SOX17: variants seen among roughly 807,000 people sequenced by gnomAD.
SOX17 encodes SRY-box transcription factor 17, also known as transcription factor SOX-17.
Under a neutral mutation model 16.0 loss-of-function variants are expected in SOX17, and 4 were observed. That is an observed-to-expected ratio of 0.25 (90% confidence interval 0.12 to 0.57). The LOEUF (loss-of-function observed/expected upper bound fraction) is 0.57. SOX17 is among the 20% of genes least tolerant of loss of function. The pLI, the probability that SOX17 is intolerant of heterozygous loss-of-function variation, is 0.92. For synonymous variants in SOX17, 357 were observed against 284.6 expected, an observed-to-expected ratio of 1.25 and a Z score of -2.56; for missense variants, 633 against 609.7, an observed-to-expected ratio of 1.04 and a Z score of -0.40.
chr8:54,460,311 A>G lies in SOX17; in HGVS notation c.*316A>G. On this transcript the variant is annotated 3_prime_UTR_variant, in exon 2 of 2. Transcript: ENST00000297316. ...TCCATTTCCTGAAAGTTTATTGATC[A>G]AAGAAATGTTGTCCTGGGTGTGTTT... is the stretch of plus-strand genomic sequence containing the variant. The G allele has an allele frequency of 2.2e-6, 1 of 461,170 alleles. No individual in the cohort carries two copies. Among genetic ancestry groups the G allele is most frequent in the East Asian group, 3.8e-5 (1 of 26,392 alleles). 28.6% of individuals were successfully genotyped at this position (461,170 alleles called of 1,614,324 possible).
chr8:54,459,360 C>G lies in SOX17; in HGVS notation c.610C>G (p.Arg204Gly), dbSNP rs551544680. 6.4e-7 allele frequency: 1 copy of G among 1,558,192 alleles called. No individual in the cohort carries two copies. The highest frequency in any genetic ancestry group is 1.2e-5 in the South Asian group (1 of 85,686). The change falls in exon 2 of 2, where the codon CGC (arginine) becomes GGC (glycine). Residue 204 changes from arginine to glycine, a missense_variant. By Grantham distance (125) the Arg-to-Gly change is moderately radical (BLOSUM62 -2). Coordinates refer to ENST00000297316, the MANE Select transcript of SOX17 (RefSeq NM_022454.4). Reference protein sequence around the residue: ...LLPPHMGGHYRDCQSLGAPPL... With the variant: ...LLPPHMGGHYGDCQSLGAPPL... ...GCCTCCGCACATGGGCGGCCACTACCGCGACTGCCAGAGTCTGGGCGCGCC... is the reference window on the plus strand; with the variant it reads ...GCCTCCGCACATGGGCGGCCACTACGGCGACTGCCAGAGTCTGGGCGCGCC...
Position 54,459,662 on chromosome 8 carries a change from G to C in SOX17, c.912G>C (p.Gly304=). 6.5e-7 allele frequency: 1 copy of C among 1,535,718 alleles called. No individual in the cohort carries two copies. Among genetic ancestry groups the C allele is most frequent in the Non-Finnish European group, 8.7e-7 (1 of 1,145,568 alleles). Residue 304 remains glycine, a synonymous_variant, in exon 2 of 2, where the codon GGG becomes GGC. Coordinates refer to ENST00000297316, the MANE Select transcript of SOX17 (RefSeq NM_022454.4). ...HVYYGAMGSP[G]AGGGRGFQMQ... ...ACTACGGCGCGATGGGCTCGCCCGG[G>C]GCGGGCGGCGGGCGCGGCTTCCAGA...
chr8:54,459,649 T>A lies in SOX17; in HGVS notation c.899T>A (p.Met300Lys). The change falls in exon 2 of 2, where the codon ATG becomes AAG. Residue 300 changes from methionine to lysine, a missense_variant. Met to Lys is a moderately conservative substitution (Grantham distance 95). This residue lies in a region of SOX17 where 479 missense variants were observed against 397.2 expected (regional missense o/e 1.21). Coordinates refer to ENST00000297316, the MANE Select transcript of SOX17 (RefSeq NM_022454.4). ...PSALHVYYGAMGSPGAGGGRG... is the reference protein window; with the variant it reads ...PSALHVYYGAKGSPGAGGGRG... ...GCCCTTCACGTGTACTACGGCGCGA[T>A]GGGCTCGCCCGGGGCGGGCGGCGGG... 1 of 1,537,214 alleles carries A rather than the reference T, an allele frequency of 6.5e-7. No homozygotes were observed. The highest frequency in any genetic ancestry group is 1.2e-5 in the South Asian group (1 of 83,994).
At chr8:54,458,863 G>A (rs1258252046) in intron 1 of SOX17, among the ~76,000 whole-genome samples, 195 bp from the exon 2 acceptor site, 2 of 152,214 alleles carry the variant, frequency 1.3e-5, no homozygotes, top group South Asian at 4.1e-4. Context: ...CCAAAAGAAA[G>A]GGGTGCCTTT....
Position 54,459,940 on chromosome 8 carries a change from C to T in SOX17, c.1190C>T (p.Ser397Leu), listed in dbSNP as rs1473687136. 2 of 1,613,740 alleles carry T rather than the reference C, an allele frequency of 1.2e-6. No individual in the cohort carries two copies. The highest frequency in any genetic ancestry group is 1.1e-5 in the South Asian group (1 of 91,092). Residue 397 changes from serine to leucine, a missense_variant, in exon 2 of 2, where the codon TCG (serine) becomes TTG (leucine). Coordinates refer to ENST00000297316, the MANE Select transcript of SOX17 (RefSeq NM_022454.4). ...NLPDSHGAISSVVSDASSAVY... is the reference protein window; with the variant it reads ...NLPDSHGAISLVVSDASSAVY... ...CCCGACAGCCACGGGGCCATTTCCT[C>T]GGTGGTGTCCGACGCCAGCTCCGCG...
chr8:54,458,903 C>G (rs1243027028), intron 1 of SOX17, among the ~76,000 whole-genome samples, 155 bp from the exon 2 acceptor site: 1 of 152,238 alleles, frequency 6.6e-6, no homozygotes, highest in Non-Finnish European at 1.5e-5. Flanking sequence ...AGGGCTCGGA[C>G]TCAGGAGTCC....
In SOX17 at chr8:54,459,853, A is replaced by G. The variant is rs745888289; in HGVS notation, c.1103A>G (p.His368Arg). 6.2e-7 allele frequency: 1 copy of G among 1,613,740 alleles called. No individual in the cohort carries two copies. The highest frequency in any genetic ancestry group is 2.2e-5 in the East Asian group (1 of 44,878). The stretch of plus-strand genomic sequence containing the variant: ...CGCACGGAATTTGAACAGTATCTGC[A>G]CTTCGTGTGCAAGCCTGAGATGGGC... ...VDRTEFEQYL[H>R]FVCKPEMGLP... Residue 368 changes from histidine to arginine, a missense_variant, in exon 2 of 2, where the codon CAC becomes CGC. Physicochemically the swap from His to Arg is conservative, Grantham distance 29. Coordinates refer to ENST00000297316, the MANE Select transcript of SOX17 (RefSeq NM_022454.4).
At position 54,459,392 on chromosome 8, in the gene SOX17, C is replaced by A; in HGVS notation, c.642C>A (p.Leu214=). The A allele has an allele frequency of 6.4e-7, 1 of 1,556,118 alleles. No individual in the cohort carries two copies. The highest frequency in any genetic ancestry group is 8.6e-7 in the Non-Finnish European group (1 of 1,161,600). The change falls in exon 2 of 2, where the codon CTC becomes CTA. Residue 214 remains leucine, a synonymous_variant. Coordinates refer to ENST00000297316, the MANE Select transcript of SOX17 (RefSeq NM_022454.4). ...RDCQSLGAPP[L]DGYPLPTPDT... ...GCCAGAGTCTGGGCGCGCCTCCGCTCGACGGCTACCCGTTGCCCACGCCCG... is the reference window on the plus strand; with the variant it reads ...GCCAGAGTCTGGGCGCGCCTCCGCTAGACGGCTACCCGTTGCCCACGCCCG...
At chr8:54,459,023 C>T (rs1263877839) in intron 1 of SOX17, 35 bp from the exon 2 acceptor site, 2 of 1,544,802 alleles carry the variant, frequency 1.3e-6, no homozygotes, top group Admixed American at 1.9e-5. Flanking sequence ...GCCGATAAGC[C>T]CTGCGCCCCT....
In SOX17 at chr8:54,458,939, C is replaced by A; in HGVS notation, c.308-119C>A. ...CAGATCTCCCTCTTTAACTTCACCC[C>A]GGTTGCGCAATTCAAAGTCTGAGGG... On this transcript the variant is annotated intron_variant, in intron 1 of 1. Transcript: ENST00000297316. The A allele has an allele frequency of 3.4e-6, 3 of 882,426 alleles. No homozygotes were observed. The highest frequency in any genetic ancestry group is 3.8e-5 in the South Asian group (2 of 52,296). 54.7% of individuals were successfully genotyped at this position (882,426 alleles called of 1,614,324 possible). A position where few individuals can be genotyped will look rare whatever the true frequency, so the allele number is the denominator to read the frequency against.
rs1193005049 is a variant in SOX17 at position 54,459,804 on chromosome 8, G to A, written c.1054G>A (p.Ala352Thr). The A allele has an allele frequency of 2.5e-6, 4 of 1,610,866 alleles. No individual in the cohort carries two copies. Among genetic ancestry groups the A allele is most frequent in the East Asian group, 2.2e-5 (1 of 44,734 alleles). ...CRDGTDPSQP[A>T]ELLGEVDRTE... ...GGACGGCACGGACCCCAGTCAGCCC[G>A]CCGAGCTCCTCGGGGAGGTGGACCG... Residue 352 changes from alanine (A) to threonine (T), a missense_variant, in exon 2 of 2, where the codon GCC becomes ACC. Physicochemically the swap from Ala to Thr is moderately conservative, Grantham distance 58. Around this residue, in one of 5 missense-constraint regions of SOX17, gnomAD observed 479 missense variants for 397.2 expected, o/e 1.21. Coordinates refer to ENST00000297316, the MANE Select transcript of SOX17 (RefSeq NM_022454.4).
rs2129278379 is a variant in SOX17 at position 54,459,917 on chromosome 8, C to T, written c.1167C>T (p.Pro389=). Residue 389 remains proline, a synonymous_variant, in exon 2 of 2, where the codon CCC becomes CCT. Coordinates refer to ENST00000297316, the MANE Select transcript of SOX17 (RefSeq NM_022454.4). ...GGCATGACTCCGGTGTGAATCTCCC[C>T]GACAGCCACGGGGCCATTTCCTCGG... The part of the protein sequence containing the change: ...YQGHDSGVNL[P]DSHGAISSVV... 1.9e-6 allele frequency: 3 copies of T among 1,613,878 alleles called. No homozygotes were observed. The highest frequency in any genetic ancestry group is 2.2e-5 in the South Asian group (2 of 91,082).
rs1483783313 is a variant in SOX17, at chr8:54,459,734, G to C, written c.984G>C (p.Pro328=). ...AGCACCAGCACCAGCACCACCCCCC[G>C]GGCCCCGGACAGCCGTCGCCCCCTC... is the stretch of plus-strand genomic sequence containing the variant. The part of the protein sequence containing the change: ...QHQHQHQHHP[P]GPGQPSPPPE... Residue 328 remains proline (P), a synonymous_variant, in exon 2 of 2, where the codon CCG becomes CCC. Transcript: ENST00000297316. The C allele has an allele frequency of 6.4e-7, 1 of 1,561,076 alleles. No homozygotes were observed. Among genetic ancestry groups the C allele is most frequent in the South Asian group, 1.2e-5 (1 of 86,400 alleles).
chr8:54,460,284 C>A lies in SOX17; in HGVS notation c.*289C>A, dbSNP rs984536780. 12 of 489,320 alleles carry A rather than the reference C, an allele frequency of 2.5e-5. No individual in the cohort carries two copies. The highest frequency in any genetic ancestry group is 1.1e-3 in the Middle Eastern group (2 of 1,808). The allele number at this position is 489,320 out of a possible 1,614,324, so 30.3% of individuals were successfully genotyped here. ...CTTTGAATGTGTCCCAAAACAGCTT[C>A]CTCCATTTCCTGAAAGTTTATTGAT... On this transcript the variant is annotated 3_prime_UTR_variant, in exon 2 of 2. Coordinates refer to ENST00000297316, the MANE Select transcript of SOX17 (RefSeq NM_022454.4).
At position 54,459,642 on chromosome 8, in the gene SOX17, G is replaced by C. The variant is rs764648837; in HGVS notation, c.892G>C (p.Gly298Arg). 1.3e-6 allele frequency: 2 copies of C among 1,537,088 alleles called. No homozygotes were observed. The highest frequency in any genetic ancestry group is 2.4e-5 in the East Asian group (1 of 40,924). Reference protein sequence around the residue: ...APPSALHVYYGAMGSPGAGGG... With the variant: ...APPSALHVYYRAMGSPGAGGG... ...ACCCAGCGCCCTTCACGTGTACTAC[G>C]GCGCGATGGGCTCGCCCGGGGCGGG... The change falls in exon 2 of 2, where the codon GGC (glycine) becomes CGC (arginine). Residue 298 changes from glycine to arginine, a missense_variant. Physicochemically the swap from Gly to Arg is moderately radical, Grantham distance 125. Coordinates refer to ENST00000297316, the MANE Select transcript of SOX17 (RefSeq NM_022454.4).
rs1436297317 is a variant in SOX17, at chr8:54,460,506, A to G, written c.*511A>G. On this transcript the variant is annotated 3_prime_UTR_variant, in exon 2 of 2. Transcript: ENST00000297316. The stretch of plus-strand genomic sequence containing the variant: ...GAACATAAATGCCTTTAAGGAGTAT[A>G]TCTAAAAATAAACATTAGGATATCT... 8.4e-6 allele frequency: 2 copies of G among 238,828 alleles called. No homozygotes were observed. The highest frequency in any genetic ancestry group is 1.0e-4 in the Admixed American group (2 of 19,128). 14.8% of individuals were successfully genotyped at this position (238,828 alleles called of 1,614,324 possible). A position where few individuals can be genotyped will look rare whatever the true frequency, so the allele number is the denominator to read the frequency against.
chr8:54,460,234 C>A lies in SOX17; in HGVS notation c.*239C>A. ...TTCCCATAGTTGGATTGTCAAAACC[C>A]TATTTCCAAGTTCAAGTTAACTAGC... On this transcript the variant is annotated 3_prime_UTR_variant, in exon 2 of 2. Coordinates refer to ENST00000297316, the MANE Select transcript of SOX17 (RefSeq NM_022454.4). 1 of 584,356 alleles carries A rather than the reference C, an allele frequency of 1.7e-6. No individual in the cohort carries two copies. Among genetic ancestry groups the A allele is most frequent in the Non-Finnish European group, 3.0e-6 (1 of 329,316 alleles). 36.2% of individuals were successfully genotyped at this position (584,356 alleles called of 1,614,324 possible).
rs1373421302 is a variant in SOX17 at position 54,460,460 on chromosome 8, T to C, written c.*465T>C. The C allele has an allele frequency of 7.8e-6, 2 of 255,474 alleles. No homozygotes were observed. Among genetic ancestry groups the C allele is most frequent in the Admixed American group, 9.7e-5 (2 of 20,724 alleles). 15.8% of individuals were successfully genotyped at this position (255,474 alleles called of 1,614,324 possible). On this transcript the variant is annotated 3_prime_UTR_variant, in exon 2 of 2. Transcript: ENST00000297316. The stretch of plus-strand genomic sequence containing the variant: ...TGTTAAGTTTATTAGTTAATGTAAA[T>C]TTCTCATCCTCGAAAAGGGTGAACA...
At chr8:54,458,562 C>G in intron 1 of SOX17, 117 bp downstream of exon 1, 2 of 1,245,904 alleles carry the variant, frequency 1.6e-6, no homozygotes, top group Non-Finnish European at 2.3e-6. Context: ...GGGTGTGTAG[C>G]GGCCACGTCC....
Sources: allele counts gnomAD v4.1 joint callset (sites outside exome capture counted in the v4.1 genomes callset), GRCh38; gene constraint gnomAD v4.1.1; regional missense constraint gnomAD v4.1.1; transcripts MANE v1.5; gene names NCBI Gene and HGNC (gene_info 2026-07-23, HGNC 2026-07-21).